The following GOLIM4 variants were observed in gnomAD, a reference collection of about 807,000 sequenced individuals.
GOLIM4 encodes 130 kDa golgi-localized phosphoprotein.
A neutral mutation model predicts 107.4 loss-of-function variants in GOLIM4; 71 were observed. That is an observed-to-expected ratio of 0.66 (90% confidence interval 0.55 to 0.81). The LOEUF (loss-of-function observed/expected upper bound fraction) is 0.81, where lower values mean the gene tolerates loss of function less well. Among genes scored for constraint, GOLIM4 ranks in the 30% least tolerant of loss-of-function variants. GOLIM4 has a pLI of 0.00. For synonymous variants in GOLIM4, 327 were observed against 294.8 expected (o/e 1.11, Z -1.12); for missense variants, 830 against 826.1 (o/e 1.00, Z -0.06).
At chr3:168,062,219 C>T (rs1720311772) in intron 1 of GOLIM4, among the ~76,000 whole-genome samples, 1 of 152,096 alleles carries the variant, frequency 6.6e-6, no homozygotes, top group African/African-American at 2.4e-5. Context: ...TGACAGTTTT[C>T]CCAAGCATAG....
chr3:168,069,463 A>C (rs1720729633), intron 1 of GOLIM4, among the ~76,000 whole-genome samples: 1 of 152,252 alleles, frequency 6.6e-6, no homozygotes, highest in Non-Finnish European at 1.5e-5. Context: ...TATAATTTGA[A>C]ACAAGAAGTT....
At chr3:168,080,006 G>A (rs1272291396) in intron 1 of GOLIM4, among the ~76,000 whole-genome samples, 1 of 152,082 alleles carries the variant, frequency 6.6e-6, no homozygotes. Context: ...AATACATGAT[G>A]CTAAATTTTC....
intron 2 of GOLIM4, 125 bp downstream of exon 2, chr3:168,048,166 C>T (rs1000142322): frequency 3.0e-6 from 2 of 666,006 alleles, no homozygotes. Flanking sequence ...CTTTCTCTGT[C>T]CACCTATCTG....
At chr3:168,088,941 T>C (rs994153086) in intron 1 of GOLIM4, among the ~76,000 whole-genome samples, 22 of 152,278 alleles carry the variant, frequency 1.4e-4, no homozygotes, top group African/African-American at 4.3e-4. Context: ...AACAAGTAAT[T>C]CTCTTACACA....
intron 7 of GOLIM4, among the ~76,000 whole-genome samples, chr3:168,038,767 T>C (rs1304809996): frequency 6.6e-6 from 1 of 152,188 alleles, no homozygotes; most frequent in Non-Finnish European, 1.5e-5. Context: ...CTTAATACAG[T>C]ATTACAGACT....
chr3:168,040,315 T>C (rs568311718), intron 7 of GOLIM4, among the ~76,000 whole-genome samples: 2 of 152,344 alleles, frequency 1.3e-5, no homozygotes, highest in East Asian at 1.9e-4. Flanking sequence ...TCTTCTACTT[T>C]TCTGTAATTT....
rs1722115283 is a variant in GOLIM4, at chr3:168,095,190, G to C, written c.96C>G (p.Leu32=). Residue 32 remains leucine (L), a synonymous_variant, in exon 1 of 16, where the codon CTC becomes CTG. Coordinates refer to ENST00000470487, the MANE Select transcript of GOLIM4 (RefSeq NM_014498.5). The part of the protein sequence containing the change: ...VVFGFLYGAM[L]YYELQTQLRK... ...GCAGCTGCGTCTGCAGCTCGTAGTA[G>C]AGCATCGCGCCGTAGAGAAAGCCGA... 1 of 1,613,668 alleles carries C rather than the reference G, an allele frequency of 6.2e-7. No individual in the cohort carries two copies. The highest frequency in any genetic ancestry group is 1.3e-5 in the African/African-American group (1 of 74,940).
intron 11 of GOLIM4, among the ~76,000 whole-genome samples, chr3:168,028,815 T>C (rs1577515000): frequency 6.6e-6 from 1 of 152,224 alleles, no homozygotes; most frequent in Non-Finnish European, 1.5e-5. Flanking sequence ...GTAAGCAATA[T>C]TTGATAAATT....
chr3:168,024,490 C>T (rs1355716783), intron 14 of GOLIM4, 36 bp downstream of exon 14: 2 of 1,378,416 alleles, frequency 1.5e-6, no homozygotes, highest in Admixed American at 1.7e-5. Flanking sequence ...TGTGACAGAC[C>T]AATCTGATCA....
intron 1 of GOLIM4, among the ~76,000 whole-genome samples, chr3:168,067,475 A>G (rs1337755088): frequency 1.3e-5 from 2 of 151,544 alleles, no homozygotes; most frequent in African/African-American, 4.8e-5. Context: ...GCAAAAACCA[A>G]CAAAAACTCT....
intron 14 of GOLIM4, 81 bp downstream of exon 14, chr3:168,024,445 G>T: frequency 1.9e-6 from 2 of 1,049,970 alleles, no homozygotes; most frequent in Non-Finnish European, 3.0e-6. Flanking sequence ...GCATGTCAAA[G>T]TCAATACTGC....
At chr3:168,076,937 G>A (rs2108284404) in intron 1 of GOLIM4, among the ~76,000 whole-genome samples, 1 of 152,236 alleles carries the variant, frequency 6.6e-6, no homozygotes, top group South Asian at 2.1e-4. Flanking sequence ...GACACTAGGT[G>A]CTTCAGGAAG....
chr3:168,032,621 C>T lies in GOLIM4; in HGVS notation c.1075G>A (p.Glu359Lys). ...EQVGQAEHLE[E>K]EHDPSPEEQD... is the part of the protein sequence containing the mutation. The stretch of plus-strand genomic sequence containing the variant: ...TCCTCTGGTGATGGATCGTGTTCCT[C>T]CTCAAGATGTTCTGCTTGCCCGACC... Residue 359 changes from glutamate (E) to lysine (K), a missense_variant, in exon 9 of 16, where the codon GAG (glutamate) becomes AAG (lysine). Coordinates refer to ENST00000470487, the MANE Select transcript of GOLIM4 (RefSeq NM_014498.5). 1 of 1,614,054 alleles carries T rather than the reference C, an allele frequency of 6.2e-7. No individual in the cohort carries two copies. Among genetic ancestry groups the T allele is most frequent in the South Asian group, 1.1e-5 (1 of 91,064 alleles).
rs1719429199 is a variant in GOLIM4 at position 168,048,352 on chromosome 3, G to A, written c.201C>T (p.His67=). ...LSAQLQVVYE[H]RSRLEKSLQK... ...GCAAGGATTTCTCTAATCTTGATCT[G>A]TGTTCATATACAACTGGAAAAAAAG... Residue 67 remains histidine, a synonymous_variant, in exon 2 of 16, where the codon CAC becomes CAT. Coordinates refer to ENST00000470487, the MANE Select transcript of GOLIM4 (RefSeq NM_014498.5). The A allele has an allele frequency of 1.3e-6, 2 of 1,521,414 alleles. No individual in the cohort carries two copies. The highest frequency in any genetic ancestry group is 2.7e-5 in the African/African-American group (2 of 72,996). The allele number at this position is 1,521,414 out of a possible 1,614,324, so 94.2% of individuals were successfully genotyped here. A position where few individuals can be genotyped will look rare whatever the true frequency, so the allele number is the denominator to read the frequency against.
At chr3:168,041,342 C>A in intron 6 of GOLIM4, 50 bp downstream of exon 6, 1 of 1,047,082 alleles carries the variant, frequency 9.6e-7, no homozygotes, top group South Asian at 1.3e-5. Context: ...GTCATTCTAC[C>A]AAATAAAGCA....
intron 1 of GOLIM4, among the ~76,000 whole-genome samples, chr3:168,075,480 A>G (rs912269516): frequency 5.3e-5 from 8 of 151,336 alleles, no homozygotes; most frequent in African/African-American, 1.9e-4. Context: ...TTGTATTTTT[A>G]GTAGAGACGG....
chr3:168,028,988 T>A (rs940551177), intron 11 of GOLIM4, among the ~76,000 whole-genome samples: 5 of 152,144 alleles, frequency 3.3e-5, no homozygotes, highest in African/African-American at 1.2e-4. Flanking sequence ...ATATTTAGTA[T>A]ATAAAAAGCT....
intron 10 of GOLIM4, 53 bp from the exon 11 acceptor site, chr3:168,029,355 G>A: frequency 9.4e-7 from 1 of 1,063,436 alleles, no homozygotes; most frequent in Non-Finnish European, 1.4e-6. Context: ...CAGAGGCACA[G>A]TTTGACATAG....
At chr3:168,073,171 C>T (rs1035987091) in intron 1 of GOLIM4, among the ~76,000 whole-genome samples, 5 of 152,222 alleles carry the variant, frequency 3.3e-5, no homozygotes, top group Non-Finnish European at 7.3e-5. Flanking sequence ...AAGTTTCACA[C>T]TTCCCCAGCC....
Sources: allele counts gnomAD v4.1 joint callset (sites outside exome capture counted in the v4.1 genomes callset), GRCh38; gene constraint gnomAD v4.1.1; transcripts MANE v1.5; gene names NCBI Gene and HGNC (gene_info 2026-07-23, HGNC 2026-07-21).